Variants in DLGAP1 observed in about 807,000 individuals in gnomAD.
The protein encoded by DLGAP1 is DLG associated protein 1, also known as disks large-associated protein 1.
A neutral mutation model predicts 90.8 loss-of-function variants in DLGAP1; 11 were observed. The observed-to-expected ratio is 0.12, with a 90% confidence interval of 0.08 to 0.20. The LOEUF (loss-of-function observed/expected upper bound fraction) is 0.20, where lower values mean the gene tolerates loss of function less well. Among genes scored for constraint, DLGAP1 ranks in the 10% least tolerant of loss-of-function variants. The probability of loss-of-function intolerance (pLI) is 1.00; values close to 1 mark genes in which losing one functional copy is unlikely to be tolerated. For missense variants in DLGAP1, 1,050 were observed against 1,333.8 expected (o/e 0.79, Z 3.31); for synonymous variants, 558 against 540.7 (o/e 1.03, Z -0.44).
At chr18:4,099,197 C>T (rs1007326679) in intron 2 of DLGAP1, among the ~76,000 whole-genome samples, 4 of 152,138 alleles carry the variant, frequency 2.6e-5, no homozygotes, top group East Asian at 1.9e-4. Context: ...ATTATTTCTA[C>T]ACCTCAGCTG....
At chr18:3,622,342 T>C (rs1567851126) in intron 7 of DLGAP1, among the ~76,000 whole-genome samples, 1 of 152,146 alleles carries the variant, frequency 6.6e-6, no homozygotes, top group Non-Finnish European at 1.5e-5. Flanking sequence ...CCTGACCTCG[T>C]GATCTGCCTG....
intron 1 of DLGAP1, among the ~76,000 whole-genome samples, chr18:4,159,408 A>G (rs946539963): frequency 6.6e-6 from 1 of 152,148 alleles, no homozygotes; most frequent in African/African-American, 2.4e-5. Flanking sequence ...CGGCTTTTGA[A>G]TCATTGTCCA....
intron 1 of DLGAP1, among the ~76,000 whole-genome samples, chr18:4,296,905 A>G (rs1304868369): frequency 6.6e-6 from 1 of 152,150 alleles, no homozygotes; most frequent in Non-Finnish European, 1.5e-5. Flanking sequence ...GATGGATTTA[A>G]ACTTCCAACA....
intron 1 of DLGAP1, among the ~76,000 whole-genome samples, chr18:4,339,543 T>C (rs2081144985): frequency 1.3e-5 from 2 of 152,174 alleles, no homozygotes; most frequent in South Asian, 4.1e-4. Flanking sequence ...AGGCCACTTA[T>C]CAATTATTTG....
chr18:3,581,115 G>A (rs529728259), intron 8 of DLGAP1, among the ~76,000 whole-genome samples: 4 of 152,214 alleles, frequency 2.6e-5, no homozygotes, highest in East Asian at 1.9e-4. Flanking sequence ...GGAGGTTCCC[G>A]CTTGCTGCCT....
intron 7 of DLGAP1, among the ~76,000 whole-genome samples, chr18:3,600,786 A>G (rs757575386): frequency 2.2e-5 from 2 of 92,204 alleles, no homozygotes; most frequent in Admixed American, 1.2e-4. Context: ...ATATATAGAT[A>G]TATATAGATA....
chr18:3,822,115 A>C (rs1037887145), intron 4 of DLGAP1: 1 of 547,236 alleles, frequency 1.8e-6, no homozygotes, highest in African/African-American at 2.1e-5. Context: ...AATCAGGAGA[A>C]GATTTCCCTG....
chr18:3,715,223 C>T (rs1040218123), intron 7 of DLGAP1, among the ~76,000 whole-genome samples: 1 of 152,148 alleles, frequency 6.6e-6, no homozygotes, highest in Non-Finnish European at 1.5e-5. Flanking sequence ...CCTAAAGTTT[C>T]CCCTAGAGCT....
intron 1 of DLGAP1, among the ~76,000 whole-genome samples, chr18:4,367,055 C>T (rs1290974530): frequency 2.1e-5 from 3 of 141,324 alleles, no homozygotes; most frequent in Admixed American, 7.3e-5. Flanking sequence ...TATCCTGCAG[C>T]TGCTGAATAA....
intron 3 of DLGAP1, among the ~76,000 whole-genome samples, chr18:3,938,447 G>A (rs555932624): frequency 7.2e-5 from 11 of 152,228 alleles, no homozygotes; most frequent in Middle Eastern, 3.4e-3. Context: ...AGAGTGCGAC[G>A]CATGTAGAAA....
At chr18:3,893,617 TAATAAG>T (rs1356050363) in intron 3 of DLGAP1, among the ~76,000 whole-genome samples, 25 of 140,230 alleles carry the variant, frequency 1.8e-4, no homozygotes, top group African/African-American at 4.1e-4. Flanking sequence ...ATAATAATAA[TAATAAG>T]AACAATTCAA....
In DLGAP1 at chr18:3,876,815, T is replaced by G. The variant is rs549126149; in HGVS notation, c.957+2297A>C. ...TGAAAATAGAATTTCCAAATCTTTA[T>G]AGTAGGAGATCCAATAATGCTACTA... On this transcript the variant is annotated intron_variant, in intron 4 of 12. Transcript: ENST00000315677. Among the ~76,000 whole-genome samples the G allele has an allele frequency of 6.6e-5, 10 of 152,342 alleles. No homozygotes were observed. In the South Asian group the frequency reaches 1.7e-3, roughly 25 times the overall value.
chr18:4,360,623 A>G (rs2081610595), intron 1 of DLGAP1, among the ~76,000 whole-genome samples: 1 of 152,208 alleles, frequency 6.6e-6, no homozygotes, highest in Admixed American at 6.5e-5. Context: ...TGTAGTCAAA[A>G]GGATTTGCTG....
chr18:4,368,081 T>C (rs974861990), intron 1 of DLGAP1, among the ~76,000 whole-genome samples: 1 of 152,158 alleles, frequency 6.6e-6, no homozygotes. Context: ...TTAGACTATA[T>C]TCACGATTCT....
At chr18:3,731,863 AC>A (rs1935769115) in intron 6 of DLGAP1, among the ~76,000 whole-genome samples, 2 of 152,058 alleles carry the variant, frequency 1.3e-5, no homozygotes, top group Non-Finnish European at 2.9e-5. Flanking sequence ...AAGAAGCAAA[AC>A]TTTTCTGGAC....
intron 3 of DLGAP1, among the ~76,000 whole-genome samples, chr18:3,916,014 T>C (rs1036501021): frequency 5.9e-5 from 9 of 152,202 alleles, no homozygotes; most frequent in African/African-American, 2.2e-4. Flanking sequence ...AAGGACAGTG[T>C]AGAAGCAGAT....
intron 2 of DLGAP1, among the ~76,000 whole-genome samples, chr18:4,036,470 T>G (rs2074890921): frequency 6.6e-6 from 1 of 152,198 alleles, no homozygotes; most frequent in Non-Finnish European, 1.5e-5. Context: ...GACAGTTCAT[T>G]TAACTTAAGT....
chr18:3,729,285 G>A lies in DLGAP1; in HGVS notation c.1441C>T (p.Leu481=). ...ATGCGGAAGCAGCCGGGCATGGGCAGGTCCAGCGCTTCCACGGCCTGCGAC... is the reference window on the plus strand; with the variant it reads ...ATGCGGAAGCAGCCGGGCATGGGCAAGTCCAGCGCTTCCACGGCCTGCGAC... ...LESQAVEALD[L]PMPGCFRMRS... is the part of the protein sequence containing the mutation. Residue 481 remains leucine, a synonymous_variant, in exon 7 of 13, where the codon CTG becomes TTG. Transcript: ENST00000315677. This position sits in a 1 kb window ranked among gnomAD's most constrained non-coding sequence, Gnocchi z 6.2. The A allele has an allele frequency of 6.2e-7, 1 of 1,614,122 alleles. No individual in the cohort carries two copies. Among genetic ancestry groups the A allele is most frequent in the Non-Finnish European group, 8.5e-7 (1 of 1,180,010 alleles).
At chr18:3,564,237 A>G (rs979571969) in intron 9 of DLGAP1, among the ~76,000 whole-genome samples, 5 of 152,198 alleles carry the variant, frequency 3.3e-5, no homozygotes, top group African/African-American at 1.2e-4. Flanking sequence ...CTACAGTTCT[A>G]TGATTAGTCT....
Sources: allele counts gnomAD v4.1 joint callset (sites outside exome capture counted in the v4.1 genomes callset), GRCh38; gene constraint gnomAD v4.1.1; non-coding constraint Gnocchi (gnomAD v3.1); transcripts MANE v1.5; gene names NCBI Gene and HGNC (gene_info 2026-07-23, HGNC 2026-07-21).